GOSR2: variants seen among roughly 807,000 people sequenced by gnomAD.
GOSR2 encodes the protein 27 kDa Golgi SNARE protein.
In GOSR2, 20 loss-of-function variants were observed where a neutral mutation model predicts 27.9. The ratio of observed to expected loss-of-function variants is 0.72; its 90% CI spans 0.50 to 1.04. The LOEUF is 1.04. Ranked by LOEUF, GOSR2 falls within the 50% of genes least tolerant of loss-of-function variation. The pLI is 0.00. For missense variants in GOSR2, 261 were observed against 270.5 expected, an observed-to-expected ratio of 0.97 and a Z score of 0.25; for synonymous variants, 91 against 98.8, an observed-to-expected ratio of 0.92 and a Z score of 0.47.
At chr17:46,965,911 G>A (rs1174846973) in intron 6 of GOSR2, among the ~76,000 whole-genome samples, 13 of 151,630 alleles carry the variant, frequency 8.6e-5, no homozygotes, top group Non-Finnish European at 2.9e-5. Context: ...GATTACAGAC[G>A]TGAGCCACTG....
At chr17:46,951,016 C>T (rs1366374947) in intron 6 of GOSR2, among the ~76,000 whole-genome samples, 1 of 152,192 alleles carries the variant, frequency 6.6e-6, no homozygotes, top group African/African-American at 2.4e-5. Flanking sequence ...GTGGCCCTCG[C>T]CCCAACTACA....
chr17:46,943,436 A>C (rs989730500), downstream of GOSR2, among the ~76,000 whole-genome samples: 1 of 152,186 alleles, frequency 6.6e-6, no homozygotes, highest in Non-Finnish European at 1.5e-5. Context: ...CCACACACTC[A>C]GTACAGCTGC....
At chr17:46,966,160 C>T (rs1460433874) in intron 6 of GOSR2, among the ~76,000 whole-genome samples, 1 of 152,176 alleles carries the variant, frequency 6.6e-6, no homozygotes, top group African/African-American at 2.4e-5. Flanking sequence ...GAGGGATCAC[C>T]ACAGAGTAAG....
Position 46,940,077 on chromosome 17 carries a change from T to C in GOSR2, c.*1317T>C. On this transcript the variant is annotated 3_prime_UTR_variant, in exon 6 of 6. Transcript: ENST00000640051. Reference sequence around the variant, plus strand: ...TGTTAGTTTCTTGTTGCTTGAACTGTCTTCTGTCTTATTTCCCTTCCTTTC... The same window carrying C: ...TGTTAGTTTCTTGTTGCTTGAACTGCCTTCTGTCTTATTTCCCTTCCTTTC... 9.0e-7 allele frequency: 1 copy of C among 1,111,900 alleles called. No homozygotes were observed. 68.9% of individuals were successfully genotyped at this position (1,111,900 alleles called of 1,614,324 possible). A position where few individuals can be genotyped will look rare whatever the true frequency, so the allele number is the denominator to read the frequency against.
intron 6 of GOSR2, among the ~76,000 whole-genome samples, chr17:46,954,835 A>G (rs2090605407): frequency 6.6e-6 from 1 of 152,210 alleles, no homozygotes; most frequent in Admixed American, 6.5e-5. Context: ...TTATTGGTGT[A>G]TAAGAATGCT....
At chr17:46,932,008 C>T (rs1357962220) in intron 3 of GOSR2, 59 bp from the exon 4 acceptor site, 2 of 1,517,922 alleles carry the variant, frequency 1.3e-6, no homozygotes, top group Non-Finnish European at 9.1e-7. Context: ...AAGCCTGGCC[C>T]CCTCAGATTC....
intron 1 of GOSR2, chr17:46,923,518 C>T (rs1478910282): frequency 2.2e-5 from 30 of 1,372,822 alleles, no homozygotes; most frequent in Admixed American, 1.7e-4. Flanking sequence ...GGTTATAAAA[C>T]TTTGTCCAGC....
chr17:46,947,139 A>G (rs1233697690), intron 6 of GOSR2, among the ~76,000 whole-genome samples: 3 of 152,174 alleles, frequency 2.0e-5, no homozygotes, highest in South Asian at 4.1e-4. Flanking sequence ...GGACCCTGAC[A>G]TGAATGTGGA....
chr17:46,971,057 G>T (rs981011328), downstream of GOSR2, among the ~76,000 whole-genome samples: 34 of 152,042 alleles, frequency 2.2e-4, no homozygotes, highest in Middle Eastern at 3.4e-3. Context: ...TTGTATCATC[G>T]CTTTAAAACA....
downstream of GOSR2, among the ~76,000 whole-genome samples, chr17:46,975,709 C>T (rs1003396): frequency 0.032 from 4,902 of 152,248 alleles, 130 homozygotes; most frequent in Middle Eastern, 0.11. Context: ...CATGTGCCCA[C>T]GTGTGCAGAC....
downstream of GOSR2, among the ~76,000 whole-genome samples, chr17:46,943,604 C>T (rs940731514): frequency 1.3e-5 from 2 of 152,230 alleles, no homozygotes; most frequent in Non-Finnish European, 1.5e-5. Context: ...TTGTGCATCC[C>T]GGGCACGTAG....
chr17:46,935,334 G>T, intron 5 of GOSR2, 165 bp downstream of exon 5: 2 of 1,488,556 alleles, frequency 1.3e-6, no homozygotes, highest in Non-Finnish European at 8.9e-7. Flanking sequence ...TTGAGTTATT[G>T]TGAGCCTGAA....
intron 6 of GOSR2, among the ~76,000 whole-genome samples, chr17:46,973,994 C>T (rs1456434142): frequency 5.3e-5 from 8 of 152,218 alleles, no homozygotes; most frequent in African/African-American, 1.7e-4. Context: ...CCAGCAGCCA[C>T]AGCCGTGCAC....
chr17:46,929,300 G>A (rs2086950785), intron 1 of GOSR2, among the ~76,000 whole-genome samples: 1 of 152,248 alleles, frequency 6.6e-6, no homozygotes, highest in East Asian at 1.9e-4. Context: ...CTTGGATATG[G>A]TAAGCACCCA....
chr17:46,940,725 G>A lies in GOSR2; in HGVS notation c.*1965G>A, dbSNP rs1208336650. 1 of 1,595,628 alleles carries A rather than the reference G, an allele frequency of 6.3e-7. No homozygotes were observed. The highest frequency in any genetic ancestry group is 1.3e-5 in the African/African-American group (1 of 74,690). On this transcript the variant is annotated 3_prime_UTR_variant, in exon 6 of 6. Coordinates refer to ENST00000640051, the MANE Select transcript of GOSR2 (RefSeq NM_004287.5). ...GTGCTTTCCACACTTGACAGTGGTT[G>A]GCTTTGATGAACCCTCATGCTGCAC... is the stretch of plus-strand genomic sequence containing the variant.
intron 6 of GOSR2, among the ~76,000 whole-genome samples, chr17:46,958,693 C>T (rs1303718422): frequency 6.6e-6 from 1 of 152,228 alleles, no homozygotes; most frequent in African/African-American, 2.4e-5. Flanking sequence ...TTCTCCCTAG[C>T]CTCCAGAGGT....
At chr17:46,942,037 AT>A (rs1457030869), downstream of GOSR2, 3 of 778,956 alleles carry the variant, frequency 3.9e-6, no homozygotes, top group Admixed American at 1.2e-4. Context: ...TCCAAAAAAG[AT>A]TTGAGGAGAC....
At chr17:46,947,577 GGGT>G (rs1202932637) in intron 6 of GOSR2, among the ~76,000 whole-genome samples, 4 of 152,150 alleles carry the variant, frequency 2.6e-5, no homozygotes, top group African/African-American at 9.7e-5. Context: ...AATGTGATGG[GGGT>G]GGTGGGATGA....
At chr17:46,951,100 G>T (rs978908484) in intron 6 of GOSR2, among the ~76,000 whole-genome samples, 2 of 152,184 alleles carry the variant, frequency 1.3e-5, no homozygotes, top group Non-Finnish European at 2.9e-5. Context: ...CACGCCAAAG[G>T]CTTCTCCAGC....
Sources: allele counts gnomAD v4.1 joint callset (sites outside exome capture counted in the v4.1 genomes callset), GRCh38; gene constraint gnomAD v4.1.1; transcripts MANE v1.5; gene names NCBI Gene and HGNC (gene_info 2026-07-23, HGNC 2026-07-21).